The following ANGEL1 variants were observed in gnomAD, a reference collection of about 807,000 sequenced individuals.
ANGEL1 encodes the protein angel homolog 1.
Under a neutral mutation model 76.4 loss-of-function variants are expected in ANGEL1, and 62 were observed. The observed-to-expected ratio is 0.81, with a 90% CI of 0.66 to 1.00. The LOEUF (loss-of-function observed/expected upper bound fraction) is 1.00. ANGEL1 is among the 50% of genes least tolerant of loss of function. ANGEL1 has a pLI of 0.00. For synonymous variants in ANGEL1, 340 were observed against 331.7 expected (o/e 1.03, Z -0.27); for missense variants, 737 against 836.7 (o/e 0.88, Z 1.47).
intron 7 of ANGEL1, among the ~76,000 whole-genome samples, chr14:76,800,141 A>G (rs1894718827): frequency 6.6e-6 from 1 of 152,210 alleles, no homozygotes; most frequent in African/African-American, 2.4e-5. Flanking sequence ...TATATATTTT[A>G]AAGGTCTTGG....
intron 1 of ANGEL1, 98 bp downstream of exon 1, chr14:76,812,666 C>A (rs1292649172): frequency 2.4e-5 from 33 of 1,391,716 alleles, no homozygotes; most frequent in Non-Finnish European, 4.7e-6. Flanking sequence ...GCACGGTAGT[C>A]GTGAGGCCCG....
rs896097228 is a variant in ANGEL1 at position 76,803,845 on chromosome 14, C to G, written c.1448G>C (p.Ser483Thr). The change falls in exon 6 of 10, where the codon AGC becomes ACC. Residue 483 changes from serine (S) to threonine (T), a missense_variant. Physicochemically the swap from Ser to Thr is moderately conservative, Grantham distance 58. Transcript: ENST00000251089. ...ACAGCAATCAGTGATGCCCAGGGAG[C>G]TGGGCCACAGTGGGGCCTGCAGCTT... is the stretch of plus-strand genomic sequence containing the variant. The part of the protein sequence containing the change: ...QRKLQAPLWP[S>T]SLGITDCCQY... 5.0e-6 allele frequency: 8 copies of G among 1,614,184 alleles called. No individual in the cohort carries two copies. The highest frequency in any genetic ancestry group is 6.8e-6 in the Non-Finnish European group (8 of 1,180,040).
At chr14:76,801,509 T>C (rs945337148) in intron 7 of ANGEL1, among the ~76,000 whole-genome samples, 3 of 152,162 alleles carry the variant, frequency 2.0e-5, no homozygotes, top group Non-Finnish European at 2.9e-5. Context: ...TCTTTAAATA[T>C]TTCTTCTGTG....
At position 76,812,834 on chromosome 14, in the gene ANGEL1, C is replaced by CCGCCCG. The variant is rs933134564; in HGVS notation, c.-13_-8dup. 9.6e-5 allele frequency: 145 copies of CCGCCCG among 1,507,004 alleles called. No individual in the cohort carries two copies. Among genetic ancestry groups the CCGCCCG allele is most frequent in the Middle Eastern group, 3.5e-4 (2 of 5,790 alleles). 93.4% of individuals were successfully genotyped at this position (1,507,004 alleles called of 1,614,324 possible). On this transcript the variant is annotated 5_prime_UTR_variant, in exon 1 of 10. Transcript: ENST00000251089. The stretch of plus-strand genomic sequence containing the variant: ...ACAAGCACGACGCGATCATGGCCGG[C>CCGCCCG]CGCCCGCGCCCGCCTCCGCTCCTCA...
At chr14:76,804,197 T>C in intron 5 of ANGEL1, 1 of 1,411,040 alleles carries the variant, frequency 7.1e-7, no homozygotes, top group Non-Finnish European at 9.2e-7. Flanking sequence ...AAATTTTACC[T>C]CTGAAAAATC....
chr14:76,789,721 G>T (rs1193204674), intron 9 of ANGEL1, among the ~76,000 whole-genome samples: 1 of 147,810 alleles, frequency 6.8e-6, no homozygotes, highest in African/African-American at 2.5e-5. Flanking sequence ...TTTAGATGGA[G>T]TCTTACTTCG....
chr14:76,807,375 G>A (rs1894949181), intron 4 of ANGEL1, 58 bp downstream of exon 4: 1 of 1,523,734 alleles, frequency 6.6e-7, no homozygotes, highest in Non-Finnish European at 9.0e-7. Context: ...GTCTTCAGGA[G>A]AGAGTAGACA....
chr14:76,811,522 G>A, intron 1 of ANGEL1, among the ~76,000 whole-genome samples: 1 of 54,346 alleles, frequency 1.8e-5, no homozygotes, highest in South Asian at 7.2e-4. Context: ...TGTAGGTGGG[G>A]GGGCGGGGGG....
At chr14:76,808,208 T>C (rs1246440312) in intron 2 of ANGEL1, 60 bp from the exon 3 acceptor site, 4 of 1,412,968 alleles carry the variant, frequency 2.8e-6, no homozygotes, top group Non-Finnish European at 3.9e-6. Context: ...GGTGCTGCCA[T>C]CTCCACTCCT....
Position 76,809,517 on chromosome 14 carries a change from C to T in ANGEL1, c.191G>A (p.Trp64Ter). 1.2e-6 allele frequency: 2 copies of T among 1,614,248 alleles called. No homozygotes were observed. The highest frequency in any genetic ancestry group is 1.7e-6 in the Non-Finnish European group (2 of 1,180,042). The change falls in exon 2 of 10, where the codon TGG becomes TAG. Residue 64 changes from tryptophan to a stop codon, truncating the protein, a stop_gained. Coordinates refer to ENST00000251089, the MANE Select transcript of ANGEL1 (RefSeq NM_015305.4). LOFTEE classifies it high-confidence loss of function. The part of the protein sequence containing the change: ...QEECEGLLQQ[W>*]REEGLSQVLS... The stretch of plus-strand genomic sequence containing the variant: ...CACCTGGCTCAACCCTTCTTCTCGC[C>T]ACTGCTGCAGCAGGCCCTCACATTC...
intron 7 of ANGEL1, among the ~76,000 whole-genome samples, chr14:76,799,278 C>CTTTTTT (rs71122579): frequency 0.019 from 975 of 52,404 alleles, 177 homozygotes; most frequent in East Asian, 0.048. Context: ...TCATGGCCTC[C>CTTTTTT]TTTTTTTTTT....
intron 7 of ANGEL1, among the ~76,000 whole-genome samples, chr14:76,795,624 T>A (rs1894554368): frequency 6.6e-6 from 1 of 152,242 alleles, no homozygotes; most frequent in Non-Finnish European, 1.5e-5. Flanking sequence ...AATCTGAGCC[T>A]GGTGTTTCTG....
intron 7 of ANGEL1, among the ~76,000 whole-genome samples, chr14:76,799,362 C>T (rs972272344): frequency 1.6e-5 from 2 of 123,676 alleles, no homozygotes; most frequent in African/African-American, 3.0e-5. Flanking sequence ...GGTGTAATCT[C>T]GGCTCACTGC....
chr14:76,799,906 G>GA lies in ANGEL1; in HGVS notation c.1618+3464dup, dbSNP rs11317631. On this transcript the variant is annotated intron_variant, in intron 7 of 9. Coordinates refer to ENST00000251089, the MANE Select transcript of ANGEL1 (RefSeq NM_015305.4). ...GGGTGAAACAGTGAGACTCTGTCAT[G>GA]AAAAAAAAAAAAAAAAAAATTAGAT... Among the ~76,000 whole-genome samples, 954 of 119,690 alleles carry GA rather than the reference G, an allele frequency of 8.0e-3. 11 individuals are homozygous for GA. Among genetic ancestry groups the GA allele is most frequent in the African/African-American group, 0.023 (726 of 31,096 alleles). The allele number at this position is 119,690 out of a possible 152,430, so 78.5% of individuals were successfully genotyped here.
intron 7 of ANGEL1, among the ~76,000 whole-genome samples, chr14:76,797,081 T>A (rs1264262280): frequency 2.0e-5 from 3 of 152,176 alleles, no homozygotes; most frequent in Non-Finnish European, 4.4e-5. Context: ...CCAGGTCACA[T>A]AAGCTGCTAC....
intron 7 of ANGEL1, among the ~76,000 whole-genome samples, chr14:76,797,918 A>G (rs536758341): frequency 6.6e-6 from 1 of 152,210 alleles, no homozygotes; most frequent in Non-Finnish European, 1.5e-5. Flanking sequence ...CCCACAATCA[A>G]ATTCATATGT....
rs770840328 is a variant in ANGEL1, at chr14:76,789,228, T to TCATG, written c.2009_2012dup (p.Ter671CysfsTer29). On this transcript the variant is annotated frameshift_variant and stop_lost, in exon 10 of 10. Transcript: ENST00000251089. LOFTEE classifies it high-confidence loss of function. ...AAGCTCTCTTCCCCTGGGAGCCCTGTCATGGGGCGGTGACTTCCATCCCGA... is the reference window on the plus strand; with the variant it reads ...AAGCTCTCTTCCCCTGGGAGCCCTGTCATGCATGGGGCGGTGACTTCCATCCCGA... The TCATG allele has an allele frequency of 1.2e-6, 2 of 1,614,192 alleles. No individual in the cohort carries two copies. The highest frequency in any genetic ancestry group is 2.2e-5 in the South Asian group (2 of 91,080).
intron 7 of ANGEL1, 37 bp downstream of exon 7, chr14:76,803,334 G>A (rs1244084724): frequency 6.5e-7 from 1 of 1,548,916 alleles, no homozygotes; most frequent in Non-Finnish European, 8.9e-7. Flanking sequence ...GAATGAGGAA[G>A]AAAGAAGACC....
rs759751855 is a variant in ANGEL1 at position 76,809,589 on chromosome 14, T to C, written c.119A>G (p.Gln40Arg). The change falls in exon 2 of 10, where the codon CAG becomes CGG. Residue 40 changes from glutamine to arginine, a missense_variant. Around this residue, in one of 2 missense-constraint regions of ANGEL1, gnomAD observed 441 missense variants for 449.5 expected, o/e 0.98. Transcript: ENST00000251089. ...GGCCATGGCAAAGTCGCCCTCTACC[T>C]GGGGGGATGAGCTGTTCGCCAGAAG... is the stretch of plus-strand genomic sequence containing the variant. ...NVLLANSSSPQVEGDFAMAPR... is the reference protein window; with the variant it reads ...NVLLANSSSPRVEGDFAMAPR... The C allele has an allele frequency of 6.2e-7, 1 of 1,614,094 alleles. No homozygotes were observed. The highest frequency in any genetic ancestry group is 8.5e-7 in the Non-Finnish European group (1 of 1,180,016).
Sources: allele counts gnomAD v4.1 joint callset (sites outside exome capture counted in the v4.1 genomes callset), GRCh38; gene constraint gnomAD v4.1.1; regional missense constraint gnomAD v4.1.1; transcripts MANE v1.5; gene names NCBI Gene and HGNC (gene_info 2026-07-23, HGNC 2026-07-21).